Variants in C1orf54 observed in about 807,000 individuals in gnomAD.
C1orf54 encodes uncharacterized protein C1orf54.
C1orf54 carries 12 observed loss-of-function variants against 14.7 expected under a neutral mutation model. The ratio of observed to expected loss-of-function variants is 0.82; its 90% CI spans 0.52 to 1.32. C1orf54 has a LOEUF of 1.32. Among genes scored for constraint, C1orf54 ranks in the 40% most tolerant of loss-of-function variants. The probability of loss-of-function intolerance (pLI) is 0.00; values close to 1 mark genes in which losing one functional copy is unlikely to be tolerated. For synonymous variants in C1orf54, 65 were observed against 56.3 expected, an observed-to-expected ratio of 1.16 and a Z score of -0.70; for missense variants, 163 against 162.2, an observed-to-expected ratio of 1.00 and a Z score of -0.03.
At chr1:150,279,869 TGAAG>T in intron 5 of C1orf54, 128 bp downstream of exon 5, 2 of 806,976 alleles carry the variant, frequency 2.5e-6, no homozygotes, top group Non-Finnish European at 4.0e-6. Context: ...TATCAGCCAC[TGAAG>T]GAAGAGATTT....
chr1:150,270,345 A>G (rs1263739024), upstream of C1orf54, among the ~76,000 whole-genome samples: 3 of 152,204 alleles, frequency 2.0e-5, no homozygotes, highest in African/African-American at 7.2e-5. Context: ...AATAGATTGT[A>G]TAGATTTACA....
At chr1:150,277,698 G>T (rs1002580748) in intron 4 of C1orf54, among the ~76,000 whole-genome samples, 1 of 151,934 alleles carries the variant, frequency 6.6e-6, no homozygotes. Context: ...GCAACATAGG[G>T]GCAAATTTCA....
At chr1:150,268,921 G>A, upstream of C1orf54, 5 of 900,504 alleles carry the variant, frequency 5.6e-6, no homozygotes, top group South Asian at 4.6e-5. Flanking sequence ...CGAGGGGCGC[G>A]GTGCAATGTC....
intron 4 of C1orf54, 115 bp downstream of exon 4, chr1:150,276,747 C>G: frequency 1.3e-6 from 1 of 775,680 alleles, no homozygotes; most frequent in African/African-American, 1.7e-5. Context: ...ATAATTAGTA[C>G]TTCATTGCAG....
chr1:150,269,876 A>C (rs1652075423), upstream of C1orf54, among the ~76,000 whole-genome samples: 1 of 152,118 alleles, frequency 6.6e-6, no homozygotes, highest in South Asian at 2.1e-4. Context: ...ATCTCTACTA[A>C]AAATACAAAA....
chr1:150,280,746 TG>T, intron 5 of C1orf54, 88 bp from the exon 6 acceptor site: 3 of 1,030,524 alleles, frequency 2.9e-6, no homozygotes, highest in Non-Finnish European at 1.4e-6. Context: ...TCAGAATATC[TG>T]GGGAGTTTCC....
chr1:150,269,153 C>G (rs199525764), upstream of C1orf54: 80 of 257,900 alleles, frequency 3.1e-4, no homozygotes, highest in East Asian at 5.2e-3. Flanking sequence ...TTGACTTCGT[C>G]CTGGGAGTGG....
At position 150,274,287 on chromosome 1, in the gene C1orf54, C is replaced by G. The variant is rs1652451655; in HGVS notation, c.130+117C>G. On this transcript the variant is annotated intron_variant, in intron 2 of 5. Transcript: ENST00000369099. The stretch of plus-strand genomic sequence containing the variant: ...GCAATGGGGTCAGAGAAAAATCTGG[C>G]TATGAACAAAACCTATCAAGACTCA... 3 of 757,188 alleles carry G rather than the reference C, an allele frequency of 4.0e-6. No homozygotes were observed. The Admixed American group carries it at 7.1e-5, about 18-fold the overall frequency. The allele number at this position is 757,188 out of a possible 1,614,324, so 46.9% of individuals were successfully genotyped here.
In C1orf54 at chr1:150,274,139, G is replaced by C; in HGVS notation, c.99G>C (p.Val33=). ...TGGGAGAGGATGAATATTATCAGGT[G>C]GTCTATTATTATACAGTCACCCCCA... ...ERLGEDEYYQ[V]VYYYTVTPSY... The change falls in exon 2 of 6, where the codon GTG becomes GTC. Residue 33 remains valine (V), a synonymous_variant. Coordinates refer to ENST00000369099, the MANE Select transcript of C1orf54 (RefSeq NM_024579.4). The C allele has an allele frequency of 6.2e-7, 1 of 1,612,466 alleles. No individual in the cohort carries two copies. Among genetic ancestry groups the C allele is most frequent in the Non-Finnish European group, 8.5e-7 (1 of 1,178,606 alleles).
intron 3 of C1orf54, 58 bp downstream of exon 3, chr1:150,275,857 C>T: frequency 1.4e-6 from 2 of 1,474,052 alleles, no homozygotes; most frequent in Non-Finnish European, 1.9e-6. Context: ...AAGAAACTGG[C>T]CGGGCGCAGT....
intron 2 of C1orf54, 149 bp downstream of exon 2, chr1:150,274,319 G>C (rs1406077179): frequency 3.4e-6 from 2 of 583,838 alleles, no homozygotes; most frequent in Non-Finnish European, 6.1e-6. Context: ...CTCATGATGG[G>C]GCCGGGCGTG....
At chr1:150,278,078 CAA>C (rs1652813013) in intron 4 of C1orf54, among the ~76,000 whole-genome samples, 1 of 143,764 alleles carries the variant, frequency 7.0e-6, no homozygotes. Context: ...GCCTGGGAAA[CAA>C]GAGTGAAACT....
upstream of C1orf54, among the ~76,000 whole-genome samples, chr1:150,270,618 G>A (rs1273174309): frequency 1.3e-5 from 2 of 151,910 alleles, no homozygotes; most frequent in East Asian, 3.9e-4. Flanking sequence ...ACTCCAACCT[G>A]GGCGACAGAG....
At chr1:150,276,817 C>T (rs1553852625) in intron 4 of C1orf54, among the ~76,000 whole-genome samples, 185 bp downstream of exon 4, 1 of 152,170 alleles carries the variant, frequency 6.6e-6, no homozygotes, top group Non-Finnish European at 1.5e-5. Context: ...GTTTACAGAA[C>T]ACTGGGAAGA....
chr1:150,280,573 T>G (rs2274127), intron 5 of C1orf54, among the ~76,000 whole-genome samples: 100,039 of 152,110 alleles, frequency 0.66, 34,931 homozygotes, highest in African/African-American at 0.9. Context: ...GGCAGGGCGG[T>G]GGGAGAGAAG....
chr1:150,274,016 T>G, intron 1 of C1orf54, 71 bp from the exon 2 acceptor site: 2 of 1,001,126 alleles, frequency 2.0e-6, no homozygotes, highest in Middle Eastern at 2.1e-4. Flanking sequence ...AGCGCTGAGG[T>G]CATCTCCAGG....
At chr1:150,274,295 A>G (rs1221101619) in intron 2 of C1orf54, 125 bp downstream of exon 2, 4 of 687,628 alleles carry the variant, frequency 5.8e-6, no homozygotes, top group South Asian at 5.2e-5. Flanking sequence ...GGCTATGAAC[A>G]AAACCTATCA....
upstream of C1orf54, among the ~76,000 whole-genome samples, chr1:150,270,574 T>C (rs1652123604): frequency 6.8e-6 from 1 of 146,368 alleles, no homozygotes; most frequent in Non-Finnish European, 1.5e-5. Flanking sequence ...ATCTGAGAGG[T>C]GGAGGTTACA....
intron 2 of C1orf54, 119 bp downstream of exon 2, chr1:150,274,289 A>G (rs1307682646): frequency 5.3e-6 from 4 of 747,740 alleles, no homozygotes; most frequent in Non-Finnish European, 9.0e-6. Context: ...AAATCTGGCT[A>G]TGAACAAAAC....
Sources: gnomAD v4.1 joint callset for allele counts (sites outside exome capture counted in the v4.1 genomes callset) on GRCh38, gnomAD v4.1.1 for gene constraint, MANE v1.5 for transcripts, NCBI Gene and HGNC (gene_info 2026-07-23, HGNC 2026-07-21) for gene names.